AIM2: variants seen among roughly 807,000 people sequenced by gnomAD.
The protein encoded by AIM2 is interferon-inducible protein AIM2.
In AIM2, 30 loss-of-function variants were observed where a neutral mutation model predicts 27.7. The ratio of observed to expected loss-of-function variants is 1.08; its 90% confidence interval spans 0.81 to 1.47. The LOEUF (loss-of-function observed/expected upper bound fraction) is 1.47, where lower values mean the gene tolerates loss of function less well. AIM2 is among the 40% of genes most tolerant of loss of function. The probability of loss-of-function intolerance (pLI) is 0.00; values close to 1 mark genes in which losing one functional copy is unlikely to be tolerated. For missense variants in AIM2, 358 were observed against 411.3 expected, an observed-to-expected ratio of 0.87 and a Z score of 1.12; for synonymous variants, 141 against 145.3, an observed-to-expected ratio of 0.97 and a Z score of 0.21.
At chr1:159,109,973 T>A (rs981354017) in intron 1 of AIM2, among the ~76,000 whole-genome samples, 1 of 152,218 alleles carries the variant, frequency 6.6e-6, no homozygotes, top group Admixed American at 6.5e-5. Flanking sequence ...TGTAAACTAG[T>A]ACAACCACTA....
Position 159,068,692 on chromosome 1 carries a change from T to TACA in AIM2, c.271_272insTGT (p.Gln91delinsLeuTer), listed in dbSNP as rs780754393. 2 of 1,613,814 alleles carry TACA rather than the reference T, an allele frequency of 1.2e-6. No individual in the cohort carries two copies. The highest frequency in any genetic ancestry group is 1.7e-6 in the Non-Finnish European group (2 of 1,179,806). On this transcript the variant is annotated stop_gained and protein_altering_variant, in exon 3 of 6. Coordinates refer to ENST00000368130, the MANE Select transcript of AIM2 (RefSeq NM_004833.3). LOFTEE classifies it high-confidence loss of function. ...CTTTGGTTTTGTTACCGATTTGTATTGCTTATCAACTGATTAAAAAATGAA... is the reference window on the plus strand; with the variant it reads ...CTTTGGTTTTGTTACCGATTTGTATTACAGCTTATCAACTGATTAAAAAATGAA...
chr1:159,074,544 T>G (rs1222745715), intron 1 of AIM2, among the ~76,000 whole-genome samples: 1 of 152,158 alleles, frequency 6.6e-6, no homozygotes, highest in Non-Finnish European at 1.5e-5. Flanking sequence ...TTTTTGTAAC[T>G]TGTTGCCAAA....
rs79258691 is a variant in AIM2 at position 159,105,961 on chromosome 1, G to A, written c.-16+34470C>T. ...ACTGAGGACCCACCCCTTTCTGCCC[G>A]GGATCCTGTCTTCCTCCTGTCTCCA... On this transcript the variant is annotated intron_variant, in intron 1 of 2. Transcript: ENST00000368129. Among the ~76,000 whole-genome samples the A allele has an allele frequency of 1.0e-3, 154 of 152,170 alleles. 1 individual carries two copies. Among genetic ancestry groups the A allele is most frequent in the Non-Finnish European group, 1.8e-3 (122 of 67,988 alleles).
chr1:159,058,509 C>A (rs555151806), downstream of AIM2, among the ~76,000 whole-genome samples: 31 of 152,108 alleles, frequency 2.0e-4, no homozygotes, highest in Non-Finnish European at 4.4e-4. Context: ...TGAGGAGCCA[C>A]TGCTCACCGG....
chr1:159,146,139 G>A lies in AIM2; in HGVS notation n.87+871C>T, dbSNP rs180783025. Among the ~76,000 whole-genome samples, 87 of 151,826 alleles carry A rather than the reference G, an allele frequency of 5.7e-4. 1 individual carries two copies. In the East Asian group the frequency reaches 0.013, roughly 22 times the overall value. On this transcript the variant is annotated intron_variant and non_coding_transcript_variant, in intron 1 of 6. Transcript: ENST00000411768. ...AAAAAAAAAGAATTCTAGAGAGTGT[G>A]TCTCTAAGGACATGAAGTATCTCTT...
rs547702293 is a variant in AIM2, at chr1:159,107,404, G to C, written c.-16+33027C>G. 1.6e-4 allele frequency among the ~76,000 whole-genome samples: 25 copies of C among 152,170 alleles called. 1 individual carries two copies. In the South Asian group the frequency reaches 5.2e-3, roughly 32 times the overall value. ...ACGAAAAATGGATCAGGACTGCAGG[G>C]GGGAGTGGATAATGTGATTTCAATT... On this transcript the variant is annotated intron_variant, in intron 1 of 2. Coordinates refer to the AIM2 transcript ENST00000368129.
intron 1 of AIM2, among the ~76,000 whole-genome samples, chr1:159,120,810 G>T (rs1647517517): frequency 6.6e-6 from 1 of 152,140 alleles, no homozygotes; most frequent in South Asian, 2.1e-4. Flanking sequence ...GAGTCAGAAG[G>T]CATGATCAAC....
chr1:159,134,596 C>T (rs1018537859), intron 1 of AIM2, among the ~76,000 whole-genome samples: 11 of 152,268 alleles, frequency 7.2e-5, no homozygotes, highest in East Asian at 1.9e-4. Flanking sequence ...CTTTGGGAGG[C>T]GGAGGCGGGT....
At chr1:159,056,479 G>C in the AIM2 span, among the ~76,000 whole-genome samples, 2 of 151,968 alleles carry the variant, frequency 1.3e-5, no homozygotes, top group African/African-American at 4.8e-5. Flanking sequence ...AGGGGGTGCT[G>C]TTTCGGCAAA....
intron 1 of AIM2, among the ~76,000 whole-genome samples, chr1:159,086,474 A>T (rs1197867280): frequency 2.0e-5 from 3 of 152,234 alleles, no homozygotes; most frequent in Admixed American, 1.3e-4. Context: ...ACTAGGCTCC[A>T]GGTGAATCTG....
At chr1:159,069,695 A>C (rs1656268075) in intron 2 of AIM2, among the ~76,000 whole-genome samples, 1 of 151,982 alleles carries the variant, frequency 6.6e-6, no homozygotes, top group Non-Finnish European at 1.5e-5. Flanking sequence ...GGCTCATGCC[A>C]CCACGCCTGA....
At position 159,108,605 on chromosome 1, in the gene AIM2, T is replaced by C. The variant is rs145919958; in HGVS notation, c.-16+31826A>G. On this transcript the variant is annotated intron_variant, in intron 1 of 2. Transcript: ENST00000368129. ...ATCAGAAAAGAAGAAGTCAAACTGT[T>C]GCTGTTTGTGGCGATATCATAATTT... Among the ~76,000 whole-genome samples the C allele has an allele frequency of 2.6e-3, 390 of 152,264 alleles. 1 individual carries two copies. Among genetic ancestry groups the C allele is most frequent in the African/African-American group, 8.9e-3 (369 of 41,566 alleles).
intron 1 of AIM2, 87 bp from the exon 2 acceptor site, chr1:159,073,606 TA>T (rs1234752024): frequency 1.4e-5 from 18 of 1,299,046 alleles, no homozygotes; most frequent in Non-Finnish European, 1.6e-5. Context: ...TAATATTTTT[TA>T]AAGAAAAATA....
At chr1:159,067,036 T>A (rs1296726069) in intron 3 of AIM2, among the ~76,000 whole-genome samples, 2 of 152,260 alleles carry the variant, frequency 1.3e-5, no homozygotes, top group Admixed American at 1.3e-4. Context: ...AAAAAATAGA[T>A]TTGGTTAAAT....
intron 1 of AIM2, among the ~76,000 whole-genome samples, chr1:159,111,322 A>G (rs561503141): frequency 2.6e-5 from 4 of 152,354 alleles, no homozygotes; most frequent in African/African-American, 9.6e-5. Context: ...CGTAGGGTCT[A>G]TTAAAATGCA....
chr1:159,063,695 C>A (rs1038067573), intron 4 of AIM2, 21 bp from the exon 5 acceptor site: 1 of 1,606,172 alleles, frequency 6.2e-7, no homozygotes, highest in Non-Finnish European at 8.5e-7. Flanking sequence ...AAATCAACAC[C>A]CAGCCTCTGA....
the AIM2 span, chr1:159,055,186 A>G: frequency 4.7e-6 from 1 of 211,016 alleles, no homozygotes; most frequent in Non-Finnish European, 9.5e-6. Flanking sequence ...TAATCCATCC[A>G]TGAGTTGCTT....
chr1:159,120,729 G>A (rs1341981523), intron 1 of AIM2, among the ~76,000 whole-genome samples: 1 of 152,120 alleles, frequency 6.6e-6, no homozygotes, highest in Non-Finnish European at 1.5e-5. Flanking sequence ...CTAGAGCCCA[G>A]CGTGACTGTT....
intron 4 of AIM2, among the ~76,000 whole-genome samples, chr1:159,064,024 A>G (rs1393233666): frequency 2.0e-5 from 3 of 152,200 alleles, no homozygotes; most frequent in Non-Finnish European, 4.4e-5. Flanking sequence ...AATATAGTAT[A>G]TAATATGTAT....
Sources: gnomAD v4.1 joint callset for allele counts (sites outside exome capture counted in the v4.1 genomes callset) on GRCh38, gnomAD v4.1.1 for gene constraint, MANE v1.5 for transcripts, NCBI Gene and HGNC (gene_info 2026-07-23, HGNC 2026-07-21) for gene names.